Variants in PPARGC1A observed in about 807,000 individuals in gnomAD.
The protein encoded by PPARGC1A is PPARG coactivator 1 alpha.
A neutral mutation model predicts 88.7 loss-of-function variants in PPARGC1A; 25 were observed. That is an observed-to-expected ratio of 0.28 (90% CI 0.21 to 0.39). The LOEUF (loss-of-function observed/expected upper bound fraction) is 0.39, where lower values mean the gene tolerates loss of function less well. PPARGC1A is among the 10% of genes least tolerant of loss of function. PPARGC1A has a pLI of 1.00. For missense variants in PPARGC1A, 880 were observed against 968.7 expected (o/e 0.91, Z 1.22); for synonymous variants, 363 against 355.6 (o/e 1.02, Z -0.24).
the PPARGC1A span, among the ~76,000 whole-genome samples, chr4:24,103,914 G>A: frequency 6.6e-6 from 1 of 152,116 alleles, no homozygotes; most frequent in East Asian, 1.9e-4. Context: ...AGCCGGGCCC[G>A]TCAGGCCAAA....
At chr4:24,179,814 T>C in the PPARGC1A span, among the ~76,000 whole-genome samples, 4 of 152,222 alleles carry the variant, frequency 2.6e-5, no homozygotes, top group Admixed American at 2.6e-4. Flanking sequence ...TCAACTGATA[T>C]GTTTTTTATT....
At chr4:24,182,671 CTT>C in the PPARGC1A span, among the ~76,000 whole-genome samples, 3 of 152,276 alleles carry the variant, frequency 2.0e-5, no homozygotes, top group South Asian at 4.1e-4. Context: ...TGTCTCCTGA[CTT>C]TTTGATAATC....
At chr4:24,176,225 G>T in the PPARGC1A span, among the ~76,000 whole-genome samples, 8 of 152,176 alleles carry the variant, frequency 5.3e-5, no homozygotes, top group Admixed American at 5.2e-4. Flanking sequence ...TAACTCAGTT[G>T]CTATCATTCA....
chr4:24,183,229 T>C, the PPARGC1A span, among the ~76,000 whole-genome samples: 1 of 152,204 alleles, frequency 6.6e-6, no homozygotes, highest in Non-Finnish European at 1.5e-5. Context: ...TGCCAGACAC[T>C]GCTCTAAGCA....
chr4:24,166,990 T>C, the PPARGC1A span, among the ~76,000 whole-genome samples: 1 of 152,228 alleles, frequency 6.6e-6, no homozygotes, highest in Admixed American at 6.5e-5. Flanking sequence ...AAGAAATACA[T>C]TTCATAAAGC....
the PPARGC1A span, among the ~76,000 whole-genome samples, chr4:24,057,461 A>T: frequency 4.1e-5 from 3 of 72,516 alleles, no homozygotes; most frequent in Non-Finnish European, 6.6e-5. Context: ...TGGTTTAAAA[A>T]AAAAAAAAAA....
chr4:24,134,354 AAAGT>A, the PPARGC1A span, among the ~76,000 whole-genome samples: 1 of 152,228 alleles, frequency 6.6e-6, no homozygotes, highest in African/African-American at 2.4e-5. Flanking sequence ...TCTTTTTCAT[AAAGT>A]AAGCTTAGAG....
intron 1 of PPARGC1A, among the ~76,000 whole-genome samples, chr4:23,897,878 AAGT>A (rs1310117903): frequency 6.6e-6 from 1 of 152,186 alleles, no homozygotes; most frequent in Non-Finnish European, 1.5e-5. Context: ...TAATTCTGGA[AAGT>A]AGCACGAGTC....
intron 2 of PPARGC1A, among the ~76,000 whole-genome samples, chr4:23,868,383 A>G (rs1023862960): frequency 6.6e-6 from 1 of 152,090 alleles, no homozygotes; most frequent in Admixed American, 6.5e-5. Context: ...GATCTTGGAT[A>G]TGTCTTATTT....
At chr4:24,383,221 T>A in the PPARGC1A span, among the ~76,000 whole-genome samples, 1 of 152,122 alleles carries the variant, frequency 6.6e-6, no homozygotes, top group African/African-American at 2.4e-5. Context: ...CATCTGAACA[T>A]CACCAATATC....
At chr4:23,851,195 C>T (rs758542465) in intron 2 of PPARGC1A, among the ~76,000 whole-genome samples, 3 of 152,176 alleles carry the variant, frequency 2.0e-5, no homozygotes, top group African/African-American at 7.2e-5. Flanking sequence ...TTTTGCAATA[C>T]ACATAGTGAT....
chr4:24,458,466 G>A, the PPARGC1A span, among the ~76,000 whole-genome samples: 302 of 152,252 alleles, frequency 2.0e-3, 3 homozygotes, highest in East Asian at 0.036. Flanking sequence ...GTGCCACTGC[G>A]CTCCATCCTT....
chr4:23,979,801 T>C, the PPARGC1A span, among the ~76,000 whole-genome samples: 1 of 152,180 alleles, frequency 6.6e-6, no homozygotes, highest in Non-Finnish European at 1.5e-5. Flanking sequence ...TGCACCTTTG[T>C]GCCTCTTCCC....
the PPARGC1A span, among the ~76,000 whole-genome samples, chr4:24,031,374 T>C: frequency 1.3e-5 from 2 of 152,166 alleles, no homozygotes; most frequent in African/African-American, 4.8e-5. Flanking sequence ...CACCTCACCT[T>C]TGTTCCCAAC....
the PPARGC1A span, among the ~76,000 whole-genome samples, chr4:24,021,125 G>C: frequency 6.6e-6 from 1 of 152,246 alleles, no homozygotes; most frequent in Non-Finnish European, 1.5e-5. Flanking sequence ...GCCCATAGCA[G>C]GCAAGCAGTG....
At chr4:24,291,597 A>G in the PPARGC1A span, among the ~76,000 whole-genome samples, 1 of 152,286 alleles carries the variant, frequency 6.6e-6, no homozygotes, top group South Asian at 2.1e-4. Flanking sequence ...CAATGAGCTC[A>G]ATAACATGTC....
chr4:23,833,278 A>G (rs905499526), intron 2 of PPARGC1A, among the ~76,000 whole-genome samples: 1 of 152,256 alleles, frequency 6.6e-6, no homozygotes, highest in Non-Finnish European at 1.5e-5. Flanking sequence ...GGCACATGGC[A>G]TAGCTAATCA....
chr4:23,829,382 C>G (rs1203127194), intron 4 of PPARGC1A, 81 bp downstream of exon 4: 1 of 1,476,102 alleles, frequency 6.8e-7, no homozygotes, highest in African/African-American at 1.4e-5. Context: ...TGAATTAATA[C>G]CTACAAACTT....
the PPARGC1A span, among the ~76,000 whole-genome samples, chr4:24,070,038 G>A: frequency 1.3e-5 from 2 of 152,110 alleles, no homozygotes; most frequent in South Asian, 4.1e-4. Flanking sequence ...ATCTGCATCA[G>A]GGATTTTATA....
Sources: gnomAD v4.1 joint callset for allele counts (sites outside exome capture counted in the v4.1 genomes callset) on GRCh38, gnomAD v4.1.1 for gene constraint, MANE v1.5 for transcripts, NCBI Gene and HGNC (gene_info 2026-07-23, HGNC 2026-07-21) for gene names.